NEDD4L: variants seen among roughly 807,000 people sequenced by gnomAD.
The protein encoded by NEDD4L is E3 ubiquitin-protein ligase NEDD4-like.
NEDD4L carries 54 observed loss-of-function variants against 148.9 expected under a neutral mutation model. The observed-to-expected ratio is 0.36, with a 90% CI of 0.29 to 0.45. NEDD4L has a LOEUF of 0.45. Ranked by LOEUF, NEDD4L falls within the 20% of genes least tolerant of loss-of-function variation. The probability of loss-of-function intolerance (pLI) is 1.00; values close to 1 mark genes in which losing one functional copy is unlikely to be tolerated. For missense variants in NEDD4L, 856 were observed against 1,233.8 expected, an observed-to-expected ratio of 0.69 and a Z score of 4.59; for synonymous variants, 433 against 440.7, an observed-to-expected ratio of 0.98 and a Z score of 0.22.
chr18:58,289,947 G>A (rs2054478282), intron 5 of NEDD4L, among the ~76,000 whole-genome samples: 2 of 152,184 alleles, frequency 1.3e-5, no homozygotes, highest in South Asian at 4.1e-4. Flanking sequence ...TAAGTAAATT[G>A]ACTTTCAGAG....
At chr18:58,390,502 T>TA (rs1304116501) in intron 28 of NEDD4L, 144 bp from the exon 29 acceptor site, 6 of 588,076 alleles carry the variant, frequency 1.0e-5, no homozygotes, top group African/African-American at 1.8e-5. Context: ...ATTGTGGCCA[T>TA]AAAAAACCTA....
At chr18:58,255,402 T>A in intron 5 of NEDD4L, 1 of 813,178 alleles carries the variant, frequency 1.2e-6, no homozygotes, top group Non-Finnish European at 1.6e-6. Flanking sequence ...CATGTGGTTC[T>A]GGCCACCCTA....
intron 5 of NEDD4L, among the ~76,000 whole-genome samples, chr18:58,274,937 A>C (rs973072429): frequency 2.2e-4 from 33 of 152,240 alleles, no homozygotes; most frequent in Non-Finnish European, 4.4e-4. Context: ...TAAGTTTGCT[A>C]TAAAACGAAA....
chr18:58,316,097 G>T, intron 6 of NEDD4L, 65 bp downstream of exon 6: 1 of 1,361,746 alleles, frequency 7.3e-7, no homozygotes, highest in Non-Finnish European at 1.0e-6. Context: ...TTTGTAGTCA[G>T]TGTATTTTCA....
In NEDD4L at chr18:58,044,633, C is replaced by G; in HGVS notation, c.-28C>G. 1 of 1,593,532 alleles carries G rather than the reference C, an allele frequency of 6.3e-7. No individual in the cohort carries two copies. The highest frequency in any genetic ancestry group is 2.3e-5 in the East Asian group (1 of 42,892). On this transcript the variant is annotated 5_prime_UTR_variant, in exon 1 of 31. Coordinates refer to ENST00000400345, the MANE Select transcript of NEDD4L (RefSeq NM_001144967.3). Reference sequence around the variant, plus strand: ...GCCGCAGCACAGCCGCTGGGAGCGCCTCAGACCCCGCGCGGGGCGCCGGCT... The same window carrying G: ...GCCGCAGCACAGCCGCTGGGAGCGCGTCAGACCCCGCGCGGGGCGCCGGCT...
At chr18:58,171,545 G>T (rs1460473147) in intron 2 of NEDD4L, among the ~76,000 whole-genome samples, 1 of 152,270 alleles carries the variant, frequency 6.6e-6, no homozygotes, top group Admixed American at 6.5e-5. Flanking sequence ...GCGGACTTGG[G>T]AGGCTCAGAG....
chr18:58,090,898 T>C (rs1206191758), intron 1 of NEDD4L: 1 of 152,260 alleles, frequency 6.6e-6, no homozygotes, highest in Non-Finnish European at 1.5e-5. Flanking sequence ...AGACTTAGCT[T>C]GGATGAGAAT....
intron 18 of NEDD4L, 51 bp from the exon 19 acceptor site, chr18:58,357,143 T>C: frequency 6.7e-7 from 1 of 1,493,816 alleles, no homozygotes; most frequent in Non-Finnish European, 9.2e-7. Context: ...TTACATAGAA[T>C]AGATTTGAAC....
At chr18:58,257,309 A>G (rs904135998) in intron 5 of NEDD4L, among the ~76,000 whole-genome samples, 1 of 152,130 alleles carries the variant, frequency 6.6e-6, no homozygotes, top group East Asian at 1.9e-4. Flanking sequence ...TTGCTGCAGG[A>G]GGTCAGGTCA....
intron 1 of NEDD4L, among the ~76,000 whole-genome samples, chr18:58,110,767 T>C (rs970684235): frequency 1.3e-5 from 2 of 152,262 alleles, no homozygotes; most frequent in Non-Finnish European, 2.9e-5. Context: ...CTCATTTTCT[T>C]TTCCTTAGCT....
intron 1 of NEDD4L, among the ~76,000 whole-genome samples, chr18:58,099,641 C>T (rs1391632259): frequency 1.3e-5 from 2 of 152,208 alleles, no homozygotes; most frequent in Admixed American, 6.5e-5. Flanking sequence ...AAACACAACA[C>T]CAGCGGGTGC....
At chr18:58,101,842 A>C (rs1411196220) in intron 1 of NEDD4L, among the ~76,000 whole-genome samples, 1 of 151,940 alleles carries the variant, frequency 6.6e-6, no homozygotes, top group Non-Finnish European at 1.5e-5. Flanking sequence ...TTTTTTGTTT[A>C]ATTGTGTCAT....
chr18:58,102,388 T>C (rs2084811265), intron 1 of NEDD4L, among the ~76,000 whole-genome samples: 1 of 152,126 alleles, frequency 6.6e-6, no homozygotes, highest in African/African-American at 2.4e-5. Flanking sequence ...GAAGACATAA[T>C]CAGAACCAGA....
intron 23 of NEDD4L, among the ~76,000 whole-genome samples, chr18:58,371,354 G>A (rs17064904): frequency 0.04 from 6,112 of 151,800 alleles, 393 homozygotes; most frequent in African/African-American, 0.14. Flanking sequence ...CACCCAGCAC[G>A]GATTTGCTAT....
chr18:58,151,622 G>GGGGGGTGTGTGT (rs1568290916), intron 1 of NEDD4L, among the ~76,000 whole-genome samples: 12 of 60,940 alleles, frequency 2.0e-4, no homozygotes, highest in African/African-American at 5.5e-4. Context: ...GCTGTGCCTG[G>GGGGGGTGTGTGT]ATATGTGTGT....
At chr18:58,158,078 G>C (rs2035740403) in intron 1 of NEDD4L, among the ~76,000 whole-genome samples, 1 of 152,212 alleles carries the variant, frequency 6.6e-6, no homozygotes, top group African/African-American at 2.4e-5. Context: ...TTATGATCCT[G>C]AGTGAGGATG....
intron 2 of NEDD4L, among the ~76,000 whole-genome samples, chr18:58,225,802 A>G (rs987023603): frequency 6.6e-6 from 1 of 152,166 alleles, no homozygotes; most frequent in Non-Finnish European, 1.5e-5. Flanking sequence ...GGAGACCCAT[A>G]ATAGCCAAGT....
At chr18:58,249,689 C>T (rs1210169954) in intron 4 of NEDD4L, among the ~76,000 whole-genome samples, 1 of 152,236 alleles carries the variant, frequency 6.6e-6, no homozygotes, top group Non-Finnish European at 1.5e-5. Flanking sequence ...TAATCCAGGT[C>T]TTCTGATTAG....
chr18:58,396,283 CGGG>C lies in NEDD4L; in HGVS notation c.*17_*19del. 6.4e-7 allele frequency: 1 copy of C among 1,565,874 alleles called. No homozygotes were observed. The highest frequency in any genetic ancestry group is 8.8e-7 in the Non-Finnish European group (1 of 1,138,868). ...GGGGTGGATTAAGCACCCTGTGCCT[CGGG>C]GGTGGTTGTTCTTCAAGCAAGTTCT... On this transcript the variant is annotated 3_prime_UTR_variant, in exon 31 of 31. Transcript: ENST00000400345.
Sources: gnomAD v4.1 joint callset for allele counts (sites outside exome capture counted in the v4.1 genomes callset) on GRCh38, gnomAD v4.1.1 for gene constraint, MANE v1.5 for transcripts, NCBI Gene and HGNC (gene_info 2026-07-23, HGNC 2026-07-21) for gene names.